The following CSMD2 variants were observed in gnomAD, a reference collection of about 807,000 sequenced individuals.
CSMD2 encodes the protein CUB and sushi domain-containing protein 2.
A neutral mutation model predicts 398.5 loss-of-function variants in CSMD2; 130 were observed. The ratio of observed to expected loss-of-function variants is 0.33; its 90% CI spans 0.28 to 0.38. The LOEUF is 0.38. CSMD2 is among the 10% of genes least tolerant of loss of function. The pLI is 1.00. For missense variants in CSMD2, 3,829 were observed against 4,764.9 expected, an observed-to-expected ratio of 0.80 and a Z score of 5.78; for synonymous variants, 1,828 against 1,908.5, an observed-to-expected ratio of 0.96 and a Z score of 1.10.
intron 13 of CSMD2, among the ~76,000 whole-genome samples, chr1:33,764,138 A>G (rs502743): frequency 0.33 from 50,805 of 151,950 alleles, 9,598 homozygotes; most frequent in African/African-American, 0.51. Flanking sequence ...AGGCAATGAT[A>G]TGACCCATAC....
intron 13 of CSMD2, among the ~76,000 whole-genome samples, chr1:33,747,972 A>G (rs180902597): frequency 6.6e-6 from 1 of 152,346 alleles, no homozygotes; most frequent in East Asian, 1.9e-4. Flanking sequence ...CTTGGATATT[A>G]TATTACACCT....
intron 1 of CSMD2, among the ~76,000 whole-genome samples, chr1:34,099,929 T>C (rs779774351): frequency 6.6e-6 from 1 of 152,204 alleles, no homozygotes; most frequent in Admixed American, 6.5e-5. Context: ...CAGATTGTAA[T>C]AGGCAAGATT....
intron 2 of CSMD2, among the ~76,000 whole-genome samples, chr1:34,072,668 A>C (rs114566605): frequency 1.8e-3 from 268 of 152,262 alleles, no homozygotes; most frequent in African/African-American, 6.3e-3. Context: ...AGACTTGGTG[A>C]ATGAGCAAGG....
intron 44 of CSMD2, among the ~76,000 whole-genome samples, chr1:33,587,480 AACCCTCACAACATCTG>A (rs1639168606): frequency 6.6e-6 from 1 of 152,210 alleles, no homozygotes; most frequent in Non-Finnish European, 1.5e-5. Flanking sequence ...CTGCCACTCT[AACCCTCACAACATCTG>A]ACCATGCTGT....
intron 9 of CSMD2, 112 bp downstream of exon 9, chr1:33,819,601 G>T (rs542979364): frequency 4.6e-5 from 41 of 889,320 alleles, no homozygotes; most frequent in Non-Finnish European, 6.6e-5. Flanking sequence ...AGTGAGGGGG[G>T]AGGGGAGCCA....
chr1:34,139,590 A>G (rs866556682), intron 1 of CSMD2, among the ~76,000 whole-genome samples: 1 of 152,260 alleles, frequency 6.6e-6, no homozygotes, highest in Non-Finnish European at 1.5e-5. Context: ...TACAGAAAGC[A>G]GACAGAGTCA....
chr1:33,985,314 G>C (rs1283987498), intron 3 of CSMD2, among the ~76,000 whole-genome samples: 2 of 152,180 alleles, frequency 1.3e-5, no homozygotes, highest in African/African-American at 4.8e-5. Context: ...GGGGAGGCGA[G>C]AGTGAGAGGG....
chr1:33,851,885 C>T (rs1276128784), intron 5 of CSMD2, among the ~76,000 whole-genome samples: 1 of 152,030 alleles, frequency 6.6e-6, no homozygotes, highest in African/African-American at 2.4e-5. Flanking sequence ...AGTTGCTGGG[C>T]CTTATCTTTG....
At chr1:33,832,987 T>G (rs1032958110) in intron 6 of CSMD2, among the ~76,000 whole-genome samples, 13 of 150,878 alleles carry the variant, frequency 8.6e-5, no homozygotes, top group South Asian at 8.5e-4. Context: ...AATAACAGGA[T>G]CTGAAATTGT....
At chr1:33,973,186 C>T (rs1487190770) in intron 3 of CSMD2, among the ~76,000 whole-genome samples, 6 of 152,196 alleles carry the variant, frequency 3.9e-5, no homozygotes, top group South Asian at 2.1e-4. Context: ...ACACTATCTG[C>T]CTTAGGATGT....
intron 10 of CSMD2, among the ~76,000 whole-genome samples, chr1:33,800,295 G>A (rs2124917919): frequency 6.6e-6 from 1 of 152,290 alleles, no homozygotes; most frequent in South Asian, 2.1e-4. Context: ...CCTGGGGTGA[G>A]GAGGAGGGGA....
intron 1 of CSMD2, among the ~76,000 whole-genome samples, chr1:34,126,089 C>G (rs892077468): frequency 1.3e-5 from 2 of 152,200 alleles, no homozygotes; most frequent in Non-Finnish European, 2.9e-5. Flanking sequence ...TCATCCAGAC[C>G]CACTCCAGTT....
chr1:33,534,345 G>T (rs1655558700), intron 62 of CSMD2, among the ~76,000 whole-genome samples: 1 of 152,180 alleles, frequency 6.6e-6, no homozygotes, highest in Non-Finnish European at 1.5e-5. Flanking sequence ...AAAATGTGAA[G>T]AAGAGTGCAA....
At chr1:33,922,305 A>AGGT (rs1419430490) in intron 4 of CSMD2, among the ~76,000 whole-genome samples, 2 of 152,136 alleles carry the variant, frequency 1.3e-5, no homozygotes, top group Non-Finnish European at 2.9e-5. Flanking sequence ...AAAGAAGAGA[A>AGGT]GGTGGGAAGG....
At chr1:34,020,945 G>A (rs1001950892) in intron 3 of CSMD2, among the ~76,000 whole-genome samples, 12 of 152,094 alleles carry the variant, frequency 7.9e-5, no homozygotes, top group South Asian at 2.1e-4. Flanking sequence ...ATCATGTAAC[G>A]GCATCCACAG....
At chr1:34,150,514 A>C (rs1245869458) in intron 1 of CSMD2, among the ~76,000 whole-genome samples, 3 of 152,116 alleles carry the variant, frequency 2.0e-5, no homozygotes. Context: ...TAATTTCCTT[A>C]AACCTCAGTT....
At chr1:34,125,900 G>A (rs945758948) in intron 1 of CSMD2, among the ~76,000 whole-genome samples, 1 of 152,154 alleles carries the variant, frequency 6.6e-6, no homozygotes, top group Non-Finnish European at 1.5e-5. Flanking sequence ...TTTTGAGGGG[G>A]AGATCTCCAG....
chr1:33,912,759 G>A (rs1160672652), intron 5 of CSMD2, among the ~76,000 whole-genome samples: 1 of 152,086 alleles, frequency 6.6e-6, no homozygotes, highest in Non-Finnish European at 1.5e-5. Context: ...TCCTAGTCCT[G>A]CACAGAGCTC....
At chr1:33,613,343 T>C (rs900348399) in intron 40 of CSMD2, among the ~76,000 whole-genome samples, 1 of 152,212 alleles carries the variant, frequency 6.6e-6, no homozygotes, top group African/African-American at 2.4e-5. Context: ...ATCTTGGTTC[T>C]GCCTCAAGAC....
Sources: gnomAD v4.1 joint callset for allele counts (sites outside exome capture counted in the v4.1 genomes callset) on GRCh38, gnomAD v4.1.1 for gene constraint, MANE v1.5 for transcripts, NCBI Gene and HGNC (gene_info 2026-07-23, HGNC 2026-07-21) for gene names.